Variants in PPIG observed in about 807,000 individuals in gnomAD.
PPIG encodes the protein peptidylprolyl isomerase G.
Under a neutral mutation model 87.9 loss-of-function variants are expected in PPIG, and 26 were observed. The observed-to-expected ratio is 0.30, with a 90% confidence interval of 0.22 to 0.41. The LOEUF (loss-of-function observed/expected upper bound fraction) is 0.41, where lower values mean the gene tolerates loss of function less well. Ranked by LOEUF, PPIG falls within the 10% of genes least tolerant of loss-of-function variation. The pLI is 1.00. For missense variants in PPIG, 722 were observed against 879.4 expected, an observed-to-expected ratio of 0.82 and a Z score of 2.26; for synonymous variants, 308 against 276.5, an observed-to-expected ratio of 1.11 and a Z score of -1.13.
At chr2:169,601,632 G>C (rs1388908293) in intron 1 of PPIG, among the ~76,000 whole-genome samples, 2 of 152,144 alleles carry the variant, frequency 1.3e-5, no homozygotes, top group African/African-American at 4.8e-5. Context: ...AAATGTAAAG[G>C]ACCTGATGAA....
intron 1 of PPIG, among the ~76,000 whole-genome samples, chr2:169,591,232 A>G (rs907916126): frequency 1.3e-5 from 2 of 152,204 alleles, no homozygotes. Context: ...AATATGGAAA[A>G]TAGTTTATGT....
intron 7 of PPIG, among the ~76,000 whole-genome samples, chr2:169,611,926 T>C (rs1685499214): frequency 6.6e-6 from 1 of 152,194 alleles, no homozygotes; most frequent in Non-Finnish European, 1.5e-5. Context: ...ATAGAAGATT[T>C]GCCATTTTAA....
At chr2:169,605,387 C>T (rs571130495) in intron 4 of PPIG, among the ~76,000 whole-genome samples, 1 of 152,196 alleles carries the variant, frequency 6.6e-6, no homozygotes, top group South Asian at 2.1e-4. Flanking sequence ...CCTGTAGTCC[C>T]AGCTACTCTG....
At chr2:169,620,310 T>C (rs1199340200) in intron 9 of PPIG, among the ~76,000 whole-genome samples, 1 of 152,138 alleles carries the variant, frequency 6.6e-6, no homozygotes, top group Non-Finnish European at 1.5e-5. Flanking sequence ...ATCTAGTTGT[T>C]CCAACACCGT....
chr2:169,612,622 TC>T (rs1415050102), intron 7 of PPIG, among the ~76,000 whole-genome samples: 6 of 152,076 alleles, frequency 3.9e-5, no homozygotes, highest in African/African-American at 1.4e-4. Flanking sequence ...GACCCCATGA[TC>T]CACCCGCCTT....
At chr2:169,618,571 T>G (rs1444148417) in intron 9 of PPIG, among the ~76,000 whole-genome samples, 1 of 152,202 alleles carries the variant, frequency 6.6e-6, no homozygotes, top group East Asian at 1.9e-4. Flanking sequence ...TTCTTCCTGG[T>G]TTAGTCTTGG....
At chr2:169,596,059 C>T (rs1280145155) in intron 1 of PPIG, among the ~76,000 whole-genome samples, 1 of 151,366 alleles carries the variant, frequency 6.6e-6, no homozygotes, top group Non-Finnish European at 1.5e-5. Context: ...CCGCCTCGGC[C>T]TCCCAAAGTG....
intron 9 of PPIG, among the ~76,000 whole-genome samples, chr2:169,626,458 A>G (rs1321805015): frequency 6.6e-6 from 1 of 152,026 alleles, no homozygotes. Context: ...CAGTGACGCA[A>G]TCTCAGCTCA....
At chr2:169,625,088 G>T (rs1685850017) in intron 9 of PPIG, among the ~76,000 whole-genome samples, 1 of 152,106 alleles carries the variant, frequency 6.6e-6, no homozygotes. Context: ...TACTATTTTT[G>T]TGGTCAGAAA....
intron 9 of PPIG, among the ~76,000 whole-genome samples, chr2:169,619,044 C>T (rs1455141666): frequency 2.6e-5 from 4 of 152,164 alleles, no homozygotes; most frequent in Non-Finnish European, 4.4e-5. Context: ...CGAAACACTA[C>T]TTTAGCTGTG....
chr2:169,633,369 C>A, intron 12 of PPIG, 122 bp downstream of exon 12: 2 of 752,436 alleles, frequency 2.7e-6, no homozygotes, highest in Non-Finnish European at 4.6e-6. Flanking sequence ...GAGATGCAGG[C>A]ATTGAATTAT....
intron 2 of PPIG, 76 bp from the exon 3 acceptor site, chr2:169,603,950 G>T: frequency 7.0e-6 from 8 of 1,137,758 alleles, no homozygotes; most frequent in Non-Finnish European, 9.0e-6. Context: ...TTGTTTCACA[G>T]AATTTTTTTT....
At chr2:169,635,118 G>A (rs956120933) in intron 12 of PPIG, among the ~76,000 whole-genome samples, 5 of 152,034 alleles carry the variant, frequency 3.3e-5, no homozygotes, top group East Asian at 3.9e-4. Flanking sequence ...TTTTGACCCC[G>A]AGTCTTTAGA....
intron 9 of PPIG, among the ~76,000 whole-genome samples, chr2:169,628,340 A>G (rs1319264741): frequency 6.6e-6 from 1 of 152,158 alleles, no homozygotes; most frequent in African/African-American, 2.4e-5. Flanking sequence ...CATTACATCT[A>G]CGGTCTCTTC....
chr2:169,616,220 T>A (rs1574454548), intron 9 of PPIG, among the ~76,000 whole-genome samples: 2 of 152,338 alleles, frequency 1.3e-5, no homozygotes, highest in African/African-American at 4.8e-5. Context: ...GGTGTATATG[T>A]GCCACATTTT....
At chr2:169,634,976 A>G (rs1447488669) in intron 12 of PPIG, among the ~76,000 whole-genome samples, 1 of 152,230 alleles carries the variant, frequency 6.6e-6, no homozygotes, top group Admixed American at 6.5e-5. Context: ...GAAACATAAG[A>G]ATATATAAGC....
At chr2:169,624,588 TTTTG>T (rs1685834766) in intron 9 of PPIG, among the ~76,000 whole-genome samples, 2 of 151,690 alleles carry the variant, frequency 1.3e-5, no homozygotes, top group African/African-American at 4.8e-5. Flanking sequence ...GGAAGTAGGG[TTTTG>T]TTTGTTTGTT....
At position 169,614,791 on chromosome 2, in the gene PPIG, G is replaced by A. The variant is rs931840852; in HGVS notation, c.547+67G>A. The A allele has an allele frequency of 1.9e-5, 28 of 1,439,204 alleles. No homozygotes were observed. In the African/African-American group the frequency reaches 3.5e-4, roughly 18 times the overall value. 89.2% of individuals were successfully genotyped at this position (1,439,204 alleles called of 1,614,324 possible). The stretch of plus-strand genomic sequence containing the variant: ...AAAATAAGCAGAGATACTCTAAATA[G>A]TTGACATGAAATTCATACTCAAGCT... On this transcript the variant is annotated intron_variant, in intron 9 of 13. Transcript: ENST00000260970.
chr2:169,611,246 GA>G (rs775142992), intron 7 of PPIG, among the ~76,000 whole-genome samples: 4 of 151,240 alleles, frequency 2.6e-5, no homozygotes, highest in Admixed American at 2.0e-4. Flanking sequence ...AAAAGAAAAA[GA>G]AAAAAAGAAA....
Sources: allele counts gnomAD v4.1 joint callset (sites outside exome capture counted in the v4.1 genomes callset), GRCh38; gene constraint gnomAD v4.1.1; transcripts MANE v1.5; gene names NCBI Gene and HGNC (gene_info 2026-07-23, HGNC 2026-07-21).